Variants in MCM8 observed in about 807,000 individuals in gnomAD.
MCM8 encodes minichromosome maintenance 8 homologous recombination repair factor, also known as DNA helicase MCM8.
In MCM8, 85 loss-of-function variants were observed where a neutral mutation model predicts 98.9. The ratio of observed to expected loss-of-function variants is 0.86; its 90% CI spans 0.72 to 1.03. The LOEUF is 1.03. MCM8 is among the 50% of genes least tolerant of loss of function. MCM8 has a pLI of 0.00. For synonymous variants in MCM8, 352 were observed against 338.6 expected (o/e 1.04, Z -0.44); for missense variants, 951 against 997.8 (o/e 0.95, Z 0.63).
At chr20:5,993,806 A>C in intron 18 of MCM8, 111 bp downstream of exon 18, 4 of 866,564 alleles carry the variant, frequency 4.6e-6, no homozygotes, top group Non-Finnish European at 6.8e-6. Context: ...GCTTCTTCTC[A>C]AAGGTTTTCA....
intron 3 of MCM8, 39 bp from the exon 4 acceptor site, chr20:5,954,569 G>A (rs774646678): frequency 5.1e-6 from 6 of 1,168,564 alleles, no homozygotes; most frequent in Non-Finnish European, 7.7e-6. Flanking sequence ...GCATGTACCT[G>A]TGTGATTATT....
At position 5,952,170 on chromosome 20, in the gene MCM8, G is replaced by A; in HGVS notation, c.148+7G>A. On this transcript the variant is annotated splice_region_variant and intron_variant, in intron 2 of 18. Coordinates refer to ENST00000610722, the MANE Select transcript of MCM8 (RefSeq NM_032485.6). ...ACAGGAAAACGTACTTCTGGTAGGT[G>A]AGGTCAATGATTGTTCAATTTTTTT... 6.2e-7 allele frequency: 1 copy of A among 1,612,614 alleles called. No homozygotes were observed.
At chr20:5,967,180 A>G (rs1337770965) in intron 8 of MCM8, among the ~76,000 whole-genome samples, 1 of 152,178 alleles carries the variant, frequency 6.6e-6, no homozygotes, top group African/African-American at 2.4e-5. Context: ...TCATTTGCTG[A>G]TGATACCTCT....
At chr20:5,989,120 C>CGTTTTTTTTTTTTTT (rs2089792596) in intron 17 of MCM8, among the ~76,000 whole-genome samples, 1 of 120,346 alleles carries the variant, frequency 8.3e-6, no homozygotes, top group African/African-American at 3.8e-5. Context: ...TAGCGCAAGT[C>CGTTTTTTTTTTTTTT]TTTTTTTTTT....
intron 6 of MCM8, among the ~76,000 whole-genome samples, chr20:5,957,579 A>G (rs2089020731): frequency 6.6e-6 from 1 of 152,196 alleles, no homozygotes; most frequent in Admixed American, 6.5e-5. Context: ...CCAAAATTCA[A>G]AACTTTGAGC....
At chr20:5,970,833 G>A (rs2089386839) in intron 10 of MCM8, among the ~76,000 whole-genome samples, 1 of 152,092 alleles carries the variant, frequency 6.6e-6, no homozygotes. Flanking sequence ...TTTAGAGACA[G>A]GGTCTTGCTG....
chr20:5,963,445 C>T lies in MCM8; in HGVS notation c.875+86C>T, dbSNP rs981886201. The T allele has an allele frequency of 8.5e-6, 8 of 942,200 alleles. No homozygotes were observed. In the East Asian group the frequency reaches 1.0e-4, roughly 12 times the overall value. The allele number at this position is 942,200 out of a possible 1,614,324, so 58.4% of individuals were successfully genotyped here. A position where few individuals can be genotyped will look rare whatever the true frequency, so the allele number is the denominator to read the frequency against. On this transcript the variant is annotated intron_variant, in intron 8 of 18. Transcript: ENST00000610722. ...CATAATTTTACTGTATTATATTGTA[C>T]GTTTTATCTAAATGACAAAGTGTAT...
intron 12 of MCM8, among the ~76,000 whole-genome samples, chr20:5,973,554 C>G (rs564740436): frequency 1.1e-4 from 16 of 152,332 alleles, no homozygotes; most frequent in Middle Eastern, 3.4e-3. Flanking sequence ...CACCTATTCT[C>G]CCTCATACAA....
chr20:5,954,692 T>C lies in MCM8; in HGVS notation c.336+2T>C. Reference sequence around the variant, plus strand: ...AGGCATATTGATTTGTATGACAAGGTAAGATTCCTCTACAGCAAAGCTACC... The same window carrying C: ...AGGCATATTGATTTGTATGACAAGGCAAGATTCCTCTACAGCAAAGCTACC... On this transcript the variant is annotated splice_donor_variant, in intron 4 of 18. Transcript: ENST00000610722. LOFTEE classifies it high-confidence loss of function. The C allele has an allele frequency of 6.4e-7, 1 of 1,551,178 alleles. No individual in the cohort carries two copies. Among genetic ancestry groups the C allele is most frequent in the East Asian group, 2.2e-5 (1 of 44,538 alleles).
rs10084523 is a variant in MCM8 at position 5,974,696 on chromosome 20, A to C, written c.1395+1500A>C. ...CCACAGATGATTCTAATATGCAGCC[A>C]GCCTTGAGAACTGCTTTGATCTTGT... On this transcript the variant is annotated intron_variant, in intron 12 of 18. Transcript: ENST00000610722. 8.6e-3 allele frequency among the ~76,000 whole-genome samples: 1,305 copies of C among 152,326 alleles called. 16 individuals carry two copies. The highest frequency in any genetic ancestry group is 0.029 in the African/African-American group (1,198 of 41,560).
intron 5 of MCM8, among the ~76,000 whole-genome samples, chr20:5,955,548 TAC>T (rs1330671480): frequency 1.3e-5 from 2 of 152,210 alleles, no homozygotes; most frequent in Non-Finnish European, 2.9e-5. Flanking sequence ...CAAGAAGTTA[TAC>T]AATCTCATAG....
intron 15 of MCM8, 90 bp downstream of exon 15, chr20:5,985,090 CTT>C: frequency 1.0e-6 from 1 of 986,572 alleles, no homozygotes; most frequent in Non-Finnish European, 1.5e-6. Context: ...AGGATACAAA[CTT>C]TTTTTTTACC....
At position 5,955,203 on chromosome 20, in the gene MCM8, A is replaced by T; in HGVS notation, c.438A>T (p.Arg146Ser). Reference sequence around the variant, plus strand: ...TACCAGATATAGCAACTGAACTAAGAGATGCACCTGAGAAAACCTTGGCTT... The same window carrying T: ...TACCAGATATAGCAACTGAACTAAGTGATGCACCTGAGAAAACCTTGGCTT... The part of the protein sequence containing the change: ...NLIPDIATEL[R>S]DAPEKTLACM... The change falls in exon 5 of 19, where the codon AGA becomes AGT. Residue 146 changes from arginine to serine, a missense_variant. Physicochemically the swap from Arg to Ser is moderately radical, Grantham distance 110. Coordinates refer to ENST00000610722, the MANE Select transcript of MCM8 (RefSeq NM_032485.6). 6.2e-7 allele frequency: 1 copy of T among 1,613,980 alleles called. No homozygotes were observed. The highest frequency in any genetic ancestry group is 8.5e-7 in the Non-Finnish European group (1 of 1,179,934).
intron 10 of MCM8, among the ~76,000 whole-genome samples, chr20:5,970,194 G>A (rs1049070631): frequency 1.3e-5 from 2 of 152,216 alleles, no homozygotes; most frequent in Non-Finnish European, 2.9e-5. Context: ...TTGAATAGTT[G>A]TGACTGAGAC....
At chr20:5,983,727 T>G (rs1397150439) in intron 14 of MCM8, among the ~76,000 whole-genome samples, 2 of 152,118 alleles carry the variant, frequency 1.3e-5, no homozygotes. Context: ...AAATTGTTTC[T>G]CACATACACA....
chr20:5,957,645 G>A (rs565946060), intron 6 of MCM8, among the ~76,000 whole-genome samples: 1 of 152,244 alleles, frequency 6.6e-6, no homozygotes, highest in South Asian at 2.1e-4. Context: ...TTTTGAATTA[G>A]AGATACTCAA....
Position 5,998,886 on chromosome 20 carries a change from G to A in MCM8, c.*4495G>A, listed in dbSNP as rs905022203. 3 of 152,078 alleles carry A rather than the reference G, an allele frequency of 2.0e-5. No homozygotes were observed. The highest frequency in any genetic ancestry group is 7.2e-5 in the African/African-American group (3 of 41,396). 9.4% of individuals were successfully genotyped at this position (152,078 alleles called of 1,614,324 possible). On this transcript the variant is annotated 3_prime_UTR_variant, in exon 19 of 19. Transcript: ENST00000610722. ...GTGGGCTTGGGAATGGAAAGGCAGA[G>A]TGCACCTATTGAATTCCATCATCAG...
In MCM8 at chr20:5,964,285, G is replaced by A. The variant is rs138682187; in HGVS notation, c.875+926G>A. ...CTAGCAAACCTGGCTGAAATGAGAT[G>A]GTCCTAAGAACTAAGAACCTAGGGA... On this transcript the variant is annotated intron_variant, in intron 8 of 18. Transcript: ENST00000610722. 3.2e-3 allele frequency among the ~76,000 whole-genome samples: 493 copies of A among 152,100 alleles called. 5 individuals are homozygous for A. Among genetic ancestry groups the A allele is most frequent in the African/African-American group, 0.011 (469 of 41,512 alleles).
intron 12 of MCM8, among the ~76,000 whole-genome samples, chr20:5,973,663 CT>C (rs965998032): frequency 1.3e-5 from 2 of 150,988 alleles, no homozygotes; most frequent in East Asian, 2.0e-4. Flanking sequence ...TCAAGGCAAC[CT>C]TTTTTTTTGA....
Sources: allele counts gnomAD v4.1 joint callset (sites outside exome capture counted in the v4.1 genomes callset), GRCh38; gene constraint gnomAD v4.1.1; transcripts MANE v1.5; gene names NCBI Gene and HGNC (gene_info 2026-07-23, HGNC 2026-07-21).